OPN5: variants seen among roughly 807,000 people sequenced by gnomAD.
OPN5 encodes the protein opsin 5, also known as opsin-5.
In OPN5, 18 loss-of-function variants were observed where a neutral mutation model predicts 41.7. That is an observed-to-expected ratio of 0.43 (90% CI 0.30 to 0.64). The LOEUF (loss-of-function observed/expected upper bound fraction) is 0.64. Among genes scored for constraint, OPN5 ranks in the 30% least tolerant of loss-of-function variants. The probability of loss-of-function intolerance (pLI) is 0.13; values close to 1 mark genes in which losing one functional copy is unlikely to be tolerated. For synonymous variants in OPN5, 178 were observed against 164.3 expected (o/e 1.08, Z -0.64); for missense variants, 318 against 434.5 (o/e 0.73, Z 2.38).
intron 3 of OPN5, among the ~76,000 whole-genome samples, chr6:47,793,171 A>G (rs917818913): frequency 5.3e-5 from 8 of 152,264 alleles, no homozygotes; most frequent in South Asian, 2.1e-4. Flanking sequence ...AAATTTAACT[A>G]TAGATTTTAT....
At chr6:47,822,503 A>G (rs512235) in intron 6 of OPN5, among the ~76,000 whole-genome samples, 22 of 152,276 alleles carry the variant, frequency 1.4e-4, no homozygotes, top group Admixed American at 3.3e-4. Context: ...AAATTTCCCA[A>G]TTTTTACGCT....
chr6:47,789,657 G>T (rs1328448235), intron 2 of OPN5, among the ~76,000 whole-genome samples: 1 of 152,152 alleles, frequency 6.6e-6, no homozygotes, highest in Non-Finnish European at 1.5e-5. Flanking sequence ...TAACCATCTA[G>T]ACAACTAGAG....
Position 47,808,151 on chromosome 6 carries a change from C to T in OPN5, c.757-3C>T. ...TCTTTTCTCTGTTGCTTTCCCTCAT[C>T]AGGTAGCGATGTTGATTTGTGCTGG... On this transcript the variant is annotated splice_polypyrimidine_tract_variant and splice_region_variant and intron_variant, in intron 4 of 6. Transcript: ENST00000371211. 2 of 1,613,724 alleles carry T rather than the reference C, an allele frequency of 1.2e-6. No homozygotes were observed. Among genetic ancestry groups the T allele is most frequent in the Non-Finnish European group, 1.7e-6 (2 of 1,179,772 alleles).
At position 47,808,310 on chromosome 6, in the gene OPN5, A is replaced by G. The variant is rs769987040; in HGVS notation, c.913A>G (p.Ile305Val). 13 of 1,613,880 alleles carry G rather than the reference A, an allele frequency of 8.1e-6. No homozygotes were observed. The Admixed American group carries it at 1.0e-4, about 12-fold the overall frequency. ...ATCTGCAGCGATGTACAATCCCATCATTTACCAAGTTATTGATTACAAATT... is the reference window on the plus strand; with the variant it reads ...ATCTGCAGCGATGTACAATCCCATCGTTTACCAAGTTATTGATTACAAATT... The change falls in exon 5 of 7, where the codon ATT becomes GTT. Residue 305 changes from isoleucine (I) to valine (V), a missense_variant. Transcript: ENST00000371211.
At chr6:47,809,964 C>A (rs189676702) in intron 5 of OPN5, among the ~76,000 whole-genome samples, 4 of 152,332 alleles carry the variant, frequency 2.6e-5, no homozygotes, top group East Asian at 1.9e-4. Flanking sequence ...TTGCCTCAGA[C>A]TGCCTCTGTG....
At chr6:47,804,601 G>T (rs1281377297) in intron 4 of OPN5, among the ~76,000 whole-genome samples, 1 of 152,108 alleles carries the variant, frequency 6.6e-6, no homozygotes, top group East Asian at 1.9e-4. Flanking sequence ...TTTTAAAATG[G>T]AAAGGTTATA....
intron 4 of OPN5, among the ~76,000 whole-genome samples, chr6:47,795,965 A>G (rs1773557887): frequency 6.6e-6 from 1 of 152,174 alleles, no homozygotes; most frequent in Non-Finnish European, 1.5e-5. Context: ...CGTTGCATGG[A>G]CTTTGGGACA....
At chr6:47,824,099 C>CACTT (rs1762720961) in exon 7 of OPN5, 3 of 829,836 alleles carry the variant, frequency 3.6e-6, no homozygotes, top group Non-Finnish European at 6.0e-6. Flanking sequence ...GCCTCCACTC[C>CACTT]ACTTACCCTG....
At chr6:47,795,075 C>A in intron 3 of OPN5, 154 bp from the exon 4 acceptor site, 1 of 602,514 alleles carries the variant, frequency 1.7e-6, no homozygotes, top group South Asian at 2.8e-5. Flanking sequence ...AACTTTTTTC[C>A]GTTTACTCCA....
intron 4 of OPN5, among the ~76,000 whole-genome samples, chr6:47,803,931 G>A (rs1157730831): frequency 6.6e-6 from 1 of 152,168 alleles, no homozygotes; most frequent in African/African-American, 2.4e-5. Context: ...ATTGAAAGGA[G>A]GGAAACTCCT....
intron 4 of OPN5, among the ~76,000 whole-genome samples, chr6:47,806,010 T>C (rs1433749755): frequency 6.6e-6 from 1 of 151,976 alleles, no homozygotes; most frequent in East Asian, 1.9e-4. Context: ...ATTCCTATTA[T>C]TGTAGCCAGG....
intron 2 of OPN5, among the ~76,000 whole-genome samples, chr6:47,790,497 T>C (rs1448924044): frequency 6.6e-6 from 1 of 152,166 alleles, no homozygotes; most frequent in Non-Finnish European, 1.5e-5. Flanking sequence ...GCTATATAAT[T>C]ATCCTCCCTC....
At position 47,808,107 on chromosome 6, in the gene OPN5, C is replaced by T. The variant is rs571995296; in HGVS notation, c.757-47C>T. 9.7e-4 allele frequency: 1,560 copies of T among 1,606,740 alleles called. 34 individuals carry two copies. In the South Asian group the frequency reaches 0.015, roughly 16 times the overall value. On this transcript the variant is annotated intron_variant, in intron 4 of 6. Coordinates refer to ENST00000371211, the Ensembl canonical transcript of OPN5. Reference sequence around the variant, plus strand: ...ATACCCATCGTTTCAGACTCATGTCCTTTATCAGTCATCTTGATTCTTTTC... The same window carrying T: ...ATACCCATCGTTTCAGACTCATGTCTTTTATCAGTCATCTTGATTCTTTTC...
intron 4 of OPN5, among the ~76,000 whole-genome samples, chr6:47,806,926 G>A (rs1450848641): frequency 6.6e-6 from 1 of 152,198 alleles, no homozygotes; most frequent in African/African-American, 2.4e-5. Context: ...GGGAAGCCGA[G>A]GTGGGTGGAT....
At chr6:47,810,471 A>G (rs755613885) in intron 5 of OPN5, among the ~76,000 whole-genome samples, 69 of 152,134 alleles carry the variant, frequency 4.5e-4, no homozygotes, top group Non-Finnish European at 7.8e-4. Context: ...AGCAAGGTTA[A>G]GTGATGTGAA....
chr6:47,786,716 CT>C, intron 2 of OPN5, 82 bp downstream of exon 2: 1 of 1,203,496 alleles, frequency 8.3e-7, no homozygotes, highest in Non-Finnish European at 1.2e-6. Context: ...ACGTCACCCC[CT>C]GACATCTCTT....
intron 6 of OPN5, among the ~76,000 whole-genome samples, chr6:47,818,942 C>T (rs528749341): frequency 6.6e-6 from 1 of 152,124 alleles, no homozygotes; most frequent in Middle Eastern, 3.4e-3. Flanking sequence ...AAGAGAATTT[C>T]CTGTCTCATT....
intron 6 of OPN5, among the ~76,000 whole-genome samples, chr6:47,815,211 T>C (rs1367936378): frequency 6.6e-6 from 1 of 152,180 alleles, no homozygotes; most frequent in Non-Finnish European, 1.5e-5. Context: ...AGAAATGTAA[T>C]TTCAGGTTTG....
At chr6:47,817,973 A>G (rs73473756) in intron 6 of OPN5, among the ~76,000 whole-genome samples, 18,073 of 152,206 alleles carry the variant, frequency 0.12, 1,251 homozygotes, top group Non-Finnish European at 0.15. Context: ...AAACCAGGGA[A>G]GGGGAAAATG....
Sources: allele counts gnomAD v4.1 joint callset (sites outside exome capture counted in the v4.1 genomes callset), GRCh38; gene constraint gnomAD v4.1.1; transcripts MANE v1.5; gene names NCBI Gene and HGNC (gene_info 2026-07-23, HGNC 2026-07-21).